SLC10A1: variants seen among roughly 807,000 people sequenced by gnomAD.
SLC10A1 encodes the protein solute carrier family 10 member 1.
Under a neutral mutation model 20.5 loss-of-function variants are expected in SLC10A1, and 36 were observed. That is an observed-to-expected ratio of 1.75 (90% confidence interval 1.34 to 2.32). The LOEUF (loss-of-function observed/expected upper bound fraction) is 2.32. SLC10A1 is among the 30% of genes most tolerant of loss of function. SLC10A1 has a pLI of 0.00. For missense variants in SLC10A1, 545 were observed against 439.1 expected, an observed-to-expected ratio of 1.24 and a Z score of -2.16; for synonymous variants, 188 against 163.6, an observed-to-expected ratio of 1.15 and a Z score of -1.14.
chr14:69,786,029 A>G (rs917580863), intron 2 of SLC10A1, 68 bp downstream of exon 2: 19 of 1,109,920 alleles, frequency 1.7e-5, no homozygotes, highest in Non-Finnish European at 2.1e-5. Flanking sequence ...TATAATGATT[A>G]TATCTTATAG....
intron 1 of SLC10A1, among the ~76,000 whole-genome samples, chr14:69,787,161 C>T (rs1483264322): frequency 6.6e-6 from 1 of 151,696 alleles, no homozygotes; most frequent in East Asian, 1.9e-4. Context: ...TCTTTACTTT[C>T]TGGTTCCTCT....
intron 4 of SLC10A1, among the ~76,000 whole-genome samples, chr14:69,777,459 G>T (rs898912086): frequency 6.6e-6 from 1 of 152,050 alleles, no homozygotes; most frequent in Non-Finnish European, 1.5e-5. Context: ...AGGTTTTGAA[G>T]GGGACTTCAA....
At chr14:69,776,638 C>A (rs1200356127) in intron 4 of SLC10A1, among the ~76,000 whole-genome samples, 1 of 152,196 alleles carries the variant, frequency 6.6e-6, no homozygotes, top group Admixed American at 6.5e-5. Context: ...CACTTCACTT[C>A]TAACTTCGTT....
chr14:69,791,304 A>AT (rs879785980), intron 1 of SLC10A1, among the ~76,000 whole-genome samples: 158 of 144,868 alleles, frequency 1.1e-3, no homozygotes, highest in Middle Eastern at 3.5e-3. Context: ...AGCTAACATG[A>AT]TTTTTTTTTT....
At chr14:69,776,412 G>C (rs373480905) in intron 4 of SLC10A1, 24 bp from the exon 5 acceptor site, 11 of 1,566,104 alleles carry the variant, frequency 7.0e-6, no homozygotes, top group African/African-American at 1.4e-5. Context: ...AAGGGTTACA[G>C]GTGTAGAGAG....
At chr14:69,795,401 T>C (rs1336696843) in intron 1 of SLC10A1, among the ~76,000 whole-genome samples, 3 of 58,746 alleles carry the variant, frequency 5.1e-5, no homozygotes, top group South Asian at 3.6e-4. Flanking sequence ...TTTTATTTCC[T>C]TTTTTTTTTT....
At chr14:69,781,641 G>A (rs17556915) in intron 2 of SLC10A1, among the ~76,000 whole-genome samples, 19,960 of 152,244 alleles carry the variant, frequency 0.13, 1,833 homozygotes, top group Non-Finnish European at 0.2. Context: ...CATGAGTAGA[G>A]TGTTGAGTCA....
chr14:69,791,393 C>T lies in SLC10A1; in HGVS notation c.357-5086G>A, dbSNP rs1297605253. ...TTGGCTCACTGCAAGCTCTGCCTCC[C>T]GGGTTCACGCCATTCTCCTGCCTCA... On this transcript the variant is annotated intron_variant, in intron 1 of 4. Coordinates refer to ENST00000216540, the MANE Select transcript of SLC10A1 (RefSeq NM_003049.4). 5.9e-5 allele frequency among the ~76,000 whole-genome samples: 9 copies of T among 151,788 alleles called. 1 individual carries two copies. The highest frequency in any genetic ancestry group is 1.9e-4 in the East Asian group (1 of 5,158).
intron 2 of SLC10A1, among the ~76,000 whole-genome samples, chr14:69,781,197 A>G (rs1408684644): frequency 6.6e-6 from 1 of 152,224 alleles, no homozygotes; most frequent in Non-Finnish European, 1.5e-5. Flanking sequence ...GGAGGAATTA[A>G]CATTCTAGAG....
rs770345573 is a variant in SLC10A1 at position 69,778,453 on chromosome 14, G to A, written c.823C>T (p.Pro275Ser). 1 of 1,614,016 alleles carries A rather than the reference G, an allele frequency of 6.2e-7. No individual in the cohort carries two copies. The highest frequency in any genetic ancestry group is 2.2e-5 in the East Asian group (1 of 44,878). ...AAAAGTGGTCCAATGACTTCAGGTGGAAAGGCCACATTGAGGATGGTGGAA... is the reference window on the plus strand; with the variant it reads ...AAAAGTGGTCCAATGACTTCAGGTGAAAAGGCCACATTGAGGATGGTGGAA... The part of the protein sequence containing the change: ...LCSTILNVAF[P>S]PEVIGPLFFF... The change falls in exon 4 of 5, where the codon CCA becomes TCA. Residue 275 changes from proline (P) to serine (S), a missense_variant. Transcript: ENST00000216540.
chr14:69,785,368 C>G (rs1883687471), intron 2 of SLC10A1, among the ~76,000 whole-genome samples: 1 of 152,224 alleles, frequency 6.6e-6, no homozygotes, highest in South Asian at 2.1e-4. Flanking sequence ...CCTGTCTCCT[C>G]TAGCTTCTTG....
At position 69,779,215 on chromosome 14, in the gene SLC10A1, T is replaced by C. The variant is rs201262113; in HGVS notation, c.713A>G (p.Tyr238Cys). 1.2e-6 allele frequency: 2 copies of C among 1,609,504 alleles called. No individual in the cohort carries two copies. The highest frequency in any genetic ancestry group is 2.7e-5 in the African/African-American group (2 of 73,768). ...LMPFIGFLLG[Y>C]VLSALFCLNG... is the part of the protein sequence containing the mutation. The stretch of plus-strand genomic sequence containing the variant: ...GAGGCAGAAGAGAGCAGAGAGAACA[T>C]AACCCAGCAGAAAGCCAATAAAAGG... Residue 238 changes from tyrosine to cysteine, a missense_variant, in exon 3 of 5, where the codon TAT becomes TGT. Transcript: ENST00000216540.
At chr14:69,781,151 G>T (rs76504162) in intron 2 of SLC10A1, among the ~76,000 whole-genome samples, 1 of 152,076 alleles carries the variant, frequency 6.6e-6, no homozygotes, top group Non-Finnish European at 1.5e-5. Context: ...TATAAGAACC[G>T]CTCACTAAAC....
intron 2 of SLC10A1, among the ~76,000 whole-genome samples, chr14:69,782,943 T>C (rs1594761885): frequency 1.3e-5 from 2 of 152,206 alleles, no homozygotes; most frequent in East Asian, 3.8e-4. Context: ...GTATTCTGTT[T>C]CCCAGTTTTC....
chr14:69,796,727 C>T (rs967058449), intron 1 of SLC10A1, 73 bp downstream of exon 1: 1 of 1,280,600 alleles, frequency 7.8e-7, no homozygotes, highest in Admixed American at 2.1e-5. Flanking sequence ...TTTAGCCCAG[C>T]TCTTCCCCTC....
intron 4 of SLC10A1, among the ~76,000 whole-genome samples, chr14:69,776,985 C>G: frequency 6.6e-6 from 1 of 152,270 alleles, no homozygotes; most frequent in South Asian, 2.1e-4. Context: ...CAAAGAAATA[C>G]GTTGCTTTGA....
intron 4 of SLC10A1, among the ~76,000 whole-genome samples, chr14:69,777,590 T>TTG (rs1479650099): frequency 2.1e-5 from 2 of 95,562 alleles, no homozygotes; most frequent in African/African-American, 5.6e-5. Context: ...TTTTTTTTTT[T>TTG]TTTTTTTTTT....
chr14:69,791,664 T>C (rs1883843761), intron 1 of SLC10A1, among the ~76,000 whole-genome samples: 4 of 152,032 alleles, frequency 2.6e-5, no homozygotes, highest in Admixed American at 2.6e-4. Context: ...AAAATTGTAA[T>C]TAAGAAAGTG....
chr14:69,786,025 G>T, intron 2 of SLC10A1, 72 bp downstream of exon 2: 1 of 1,068,362 alleles, frequency 9.4e-7, no homozygotes, highest in Non-Finnish European at 1.4e-6. Flanking sequence ...TTAATATAAT[G>T]ATTATATCTT....
Sources: gnomAD v4.1 joint callset for allele counts (sites outside exome capture counted in the v4.1 genomes callset) on GRCh38, gnomAD v4.1.1 for gene constraint, MANE v1.5 for transcripts, NCBI Gene and HGNC (gene_info 2026-07-23, HGNC 2026-07-21) for gene names.